LRRK2: variants seen among roughly 807,000 people sequenced by gnomAD.
The protein encoded by LRRK2 is leucine-rich repeat serine/threonine-protein kinase 2.
LRRK2 carries 203 observed loss-of-function variants against 302.6 expected under a neutral mutation model. That is an observed-to-expected ratio of 0.67 (90% CI 0.60 to 0.75). The LOEUF (loss-of-function observed/expected upper bound fraction) is 0.75. LRRK2 is among the 30% of genes least tolerant of loss of function. LRRK2 has a pLI of 0.00. For missense variants in LRRK2, 2,830 were observed against 2,951.0 expected (o/e 0.96, Z 0.95); for synonymous variants, 1,066 against 1,031.9 (o/e 1.03, Z -0.63).
chr12:40,361,489 C>A (rs1330429521), intron 47 of LRRK2, among the ~76,000 whole-genome samples: 1 of 152,048 alleles, frequency 6.6e-6, no homozygotes, highest in Non-Finnish European at 1.5e-5. Flanking sequence ...AGTTTTTCAT[C>A]TTTGCTCCCC....
chr12:40,235,241 C>A (rs550306156), intron 3 of LRRK2, among the ~76,000 whole-genome samples: 2 of 152,088 alleles, frequency 1.3e-5, no homozygotes, highest in African/African-American at 4.8e-5. Context: ...GAGGCCAAGG[C>A]AGGAGGATCA....
At chr12:40,351,896 C>A (rs1293033582) in intron 44 of LRRK2, among the ~76,000 whole-genome samples, 163 bp downstream of exon 44, 3 of 152,194 alleles carry the variant, frequency 2.0e-5, no homozygotes, top group African/African-American at 7.2e-5. Context: ...TTTAGAATCA[C>A]AGCATATGTC....
At chr12:40,333,340 G>A (rs1945771567) in intron 39 of LRRK2, among the ~76,000 whole-genome samples, 1 of 152,134 alleles carries the variant, frequency 6.6e-6, no homozygotes, top group East Asian at 1.9e-4. Context: ...ATAAATCAGT[G>A]GGCGCCGCTA....
intron 21 of LRRK2, 61 bp downstream of exon 21, chr12:40,293,724 C>G: frequency 7.0e-6 from 8 of 1,140,170 alleles, no homozygotes; most frequent in Non-Finnish European, 9.3e-6. Context: ...CTCTTGATAA[C>G]TAAAATTTAT....
chr12:40,335,382 A>G (rs1945837119), intron 40 of LRRK2, among the ~76,000 whole-genome samples: 1 of 152,222 alleles, frequency 6.6e-6, no homozygotes. Flanking sequence ...TGAACCCACA[A>G]GTTCTGCTCT....
chr12:40,238,733 G>A (rs1025575585), intron 5 of LRRK2, among the ~76,000 whole-genome samples: 2 of 152,118 alleles, frequency 1.3e-5, no homozygotes, highest in African/African-American at 4.8e-5. Context: ...CATTATGAGA[G>A]CCAACTGTGC....
chr12:40,295,083 T>C (rs1944327186), intron 22 of LRRK2, among the ~76,000 whole-genome samples, 169 bp downstream of exon 22: 1 of 152,108 alleles, frequency 6.6e-6, no homozygotes, highest in African/African-American at 2.4e-5. Flanking sequence ...AAATGAAACA[T>C]ACATTTAAAA....
intron 14 of LRRK2, among the ~76,000 whole-genome samples, chr12:40,266,773 C>A (rs1943034244): frequency 6.6e-6 from 1 of 151,956 alleles, no homozygotes; most frequent in African/African-American, 2.4e-5. Context: ...CAATGATAGA[C>A]TGGATTAAGA....
chr12:40,272,941 G>A (rs957204792), intron 14 of LRRK2, among the ~76,000 whole-genome samples: 16 of 152,112 alleles, frequency 1.1e-4, no homozygotes, highest in Non-Finnish European at 2.9e-5. Context: ...GAGCGATTAA[G>A]GGAAAGTCTC....
At chr12:40,353,889 C>A (rs888831018) in intron 44 of LRRK2, among the ~76,000 whole-genome samples, 6 of 152,194 alleles carry the variant, frequency 3.9e-5, no homozygotes, top group African/African-American at 1.2e-4. Flanking sequence ...CAGGCTGAGG[C>A]AGGAGAATCA....
chr12:40,316,154 G>GACT, intron 33 of LRRK2: 1 of 186,532 alleles, frequency 5.4e-6, no homozygotes, highest in South Asian at 1.8e-4. Flanking sequence ...TTTTGCATGT[G>GACT]GCTGCCCGAG....
intron 2 of LRRK2, 85 bp from the exon 3 acceptor site, chr12:40,232,189 T>A: frequency 2.1e-6 from 2 of 955,716 alleles, no homozygotes; most frequent in South Asian, 2.6e-5. Flanking sequence ...TCTATTCCAC[T>A]AAGATTGAAG....
At position 40,346,863 on chromosome 12, in the gene LRRK2, G is replaced by A. The variant is rs200498558; in HGVS notation, c.6220G>A (p.Val2074Ile). The A allele has an allele frequency of 4.3e-6, 7 of 1,613,704 alleles. No homozygotes were observed. Among genetic ancestry groups the A allele is most frequent in the Non-Finnish European group, 5.9e-6 (7 of 1,179,848 alleles). The change falls in exon 42 of 51, where the codon GTA (valine) becomes ATA (isoleucine). Residue 2074 changes from valine (V) to isoleucine (I), a missense_variant. Transcript: ENST00000298910. ...CATTTTGACAACTGGAGGTAGAATA[G>A]TAGAGGGTTTGAAGTTTCCAAATGA... Reference protein sequence around the residue: ...YDILTTGGRIVEGLKFPNEFD... With the variant: ...YDILTTGGRIIEGLKFPNEFD...
Position 40,252,997 on chromosome 12 carries a change from A to T in LRRK2, c.1269A>T (p.Ser423=). The part of the protein sequence containing the change: ...EVFQASANAL[S]TLLEQNVNFR... ...TCCAGGCATCTGCGAATGCATTGTC[A>T]ACTCTCTTAGAACAAAATGGTAAGC... The change falls in exon 11 of 51, where the codon TCA becomes TCT. Residue 423 remains serine, a synonymous_variant. Transcript: ENST00000298910. The T allele has an allele frequency of 6.2e-7, 1 of 1,611,886 alleles. No individual in the cohort carries two copies. Among genetic ancestry groups the T allele is most frequent in the South Asian group, 1.1e-5 (1 of 91,042 alleles).
intron 38 of LRRK2, 69 bp from the exon 39 acceptor site, chr12:40,328,291 G>A: frequency 8.6e-7 from 1 of 1,163,398 alleles, no homozygotes; most frequent in Non-Finnish European, 1.3e-6. Context: ...AATTACAACA[G>A]ATATAATTTA....
intron 4 of LRRK2, among the ~76,000 whole-genome samples, chr12:40,237,622 C>T (rs941402051): frequency 5.9e-5 from 9 of 151,972 alleles, no homozygotes; most frequent in Non-Finnish European, 1.0e-4. Context: ...CAGGAGTAGG[C>T]CAGGTTTGGG....
chr12:40,345,485 C>T (rs1191747812), intron 41 of LRRK2, among the ~76,000 whole-genome samples: 3 of 151,346 alleles, frequency 2.0e-5, no homozygotes, highest in African/African-American at 7.3e-5. Flanking sequence ...CAGCTGGGCA[C>T]GGTGGTGGGC....
intron 18 of LRRK2, among the ~76,000 whole-genome samples, chr12:40,281,159 A>G (rs1459147670): frequency 6.6e-6 from 1 of 152,168 alleles, no homozygotes; most frequent in Non-Finnish European, 1.5e-5. Context: ...TATCATGCTC[A>G]TTACCACCTG....
In LRRK2 at chr12:40,295,464, C is replaced by G; in HGVS notation, c.2916C>G (p.Asp972Glu). The change falls in exon 23 of 51, where the codon GAC becomes GAG. Residue 972 changes from aspartate (D) to glutamate (E), a missense_variant. Asp to Glu is a conservative substitution (Grantham distance 45). This residue lies in a region of LRRK2 where 2,121 missense variants were observed against 2,148.0 expected (regional missense o/e 0.99). Coordinates refer to ENST00000298910, the MANE Select transcript of LRRK2 (RefSeq NM_198578.4). ...SKLQSHMRHSDSISSLASERE... is the reference protein window; with the variant it reads ...SKLQSHMRHSESISSLASERE... ...TTCAATCCCATATGAGGCATTCAGA[C>G]AGCATTTCTTCTCTGGCTTCTGAGA... is the stretch of plus-strand genomic sequence containing the variant. 6.2e-7 allele frequency: 1 copy of G among 1,613,630 alleles called. No homozygotes were observed.
Sources: allele counts gnomAD v4.1 joint callset (sites outside exome capture counted in the v4.1 genomes callset), GRCh38; gene constraint gnomAD v4.1.1; regional missense constraint gnomAD v4.1.1; transcripts MANE v1.5; gene names NCBI Gene and HGNC (gene_info 2026-07-23, HGNC 2026-07-21).